Variants in PCDH15 observed in about 807,000 individuals in gnomAD.
The protein encoded by PCDH15 is protocadherin-15.
PCDH15 carries 129 observed loss-of-function variants against 178.5 expected under a neutral mutation model. The observed-to-expected ratio is 0.72, with a 90% CI of 0.63 to 0.84. The LOEUF is 0.84. PCDH15 is among the 40% of genes least tolerant of loss of function. The probability of loss-of-function intolerance (pLI) is 0.00; values close to 1 mark genes in which losing one functional copy is unlikely to be tolerated. For missense variants in PCDH15, 2,230 were observed against 2,099.9 expected (o/e 1.06, Z -1.21); for synonymous variants, 800 against 732.0 (o/e 1.09, Z -1.50).
chr10:55,279,682 A>T (rs1297845142), intron 1 of PCDH15, among the ~76,000 whole-genome samples: 1 of 152,204 alleles, frequency 6.6e-6, no homozygotes, highest in Non-Finnish European at 1.5e-5. Flanking sequence ...ATACAAATTG[A>T]ACTTAAAAAT....
chr10:55,072,309 G>A (rs1267741113), intron 2 of PCDH15, among the ~76,000 whole-genome samples: 1 of 152,118 alleles, frequency 6.6e-6, no homozygotes, highest in African/African-American at 2.4e-5. Flanking sequence ...GGATCCAGGA[G>A]CTGGTTTTGT....
chr10:54,894,468 TA>T (rs905413413), intron 3 of PCDH15, among the ~76,000 whole-genome samples: 1 of 152,058 alleles, frequency 6.6e-6, no homozygotes, highest in African/African-American at 2.4e-5. Flanking sequence ...TAGCCAGACT[TA>T]GAAATAGAGG....
chr10:54,250,845 TCA>T (rs2056415537), intron 8 of PCDH15, among the ~76,000 whole-genome samples: 1 of 152,198 alleles, frequency 6.6e-6, no homozygotes, highest in East Asian at 1.9e-4. Context: ...AATCTCTCTC[TCA>T]CACACACACA....
chr10:54,734,731 C>T (rs116231992), intron 1 of PCDH15, among the ~76,000 whole-genome samples: 2,629 of 151,944 alleles, frequency 0.017, 77 homozygotes, highest in African/African-American at 0.058. Context: ...AAAAAAAGAA[C>T]GAACCAACTA....
At chr10:53,891,241 C>T (rs145182755) in intron 26 of PCDH15, among the ~76,000 whole-genome samples, 8 of 152,252 alleles carry the variant, frequency 5.3e-5, no homozygotes, top group Non-Finnish European at 1.0e-4. Flanking sequence ...TGCAATGCAG[C>T]CTTCACTTTC....
Position 55,032,339 on chromosome 10 carries a change from A to G in PCDH15, c.-80+134237T>C, listed in dbSNP as rs150093609. Among the ~76,000 whole-genome samples the G allele has an allele frequency of 5.3e-5, 8 of 152,338 alleles. No homozygotes were observed. In the East Asian group the frequency reaches 1.5e-3, roughly 29 times the overall value. The stretch of plus-strand genomic sequence containing the variant: ...ACTAATCAGGATATCTGACAAAAAA[A>G]TATCTCTTAGTAGAAAATTGCTGAG... On this transcript the variant is annotated intron_variant, in intron 2 of 5. Transcript: ENST00000458638.
intron 5 of PCDH15, among the ~76,000 whole-genome samples, chr10:54,365,862 TTAA>T (rs1211211934): frequency 1.3e-5 from 2 of 152,022 alleles, no homozygotes; most frequent in African/African-American, 4.8e-5. Flanking sequence ...GATAGAGGAA[TTAA>T]TAATGTTTTG....
intron 21 of PCDH15, among the ~76,000 whole-genome samples, chr10:53,992,354 C>T (rs979831272): frequency 4.6e-5 from 7 of 152,144 alleles, no homozygotes; most frequent in Admixed American, 3.9e-4. Flanking sequence ...TTCTTGAAGT[C>T]GGTGAGACCA....
At chr10:54,418,538 G>A (rs557480802) in intron 3 of PCDH15, among the ~76,000 whole-genome samples, 3 of 151,976 alleles carry the variant, frequency 2.0e-5, no homozygotes, top group African/African-American at 7.2e-5. Flanking sequence ...CATTCGGTAT[G>A]ACAGAAGACA....
At chr10:54,631,619 G>C (rs929793548) in intron 2 of PCDH15, among the ~76,000 whole-genome samples, 1 of 152,058 alleles carries the variant, frequency 6.6e-6, no homozygotes, top group African/African-American at 2.4e-5. Flanking sequence ...TTCCATCATA[G>C]CACTATGCAC....
chr10:54,022,974 T>G lies in PCDH15; in HGVS notation c.2444A>C (p.Asn815Thr). 1 of 1,613,940 alleles carries G rather than the reference T, an allele frequency of 6.2e-7. No homozygotes were observed. ...TGTTGAATTGGTGAACACAGGACTGTTATCATCAATGTCCAAAACCTTGAT... is the reference window on the plus strand; with the variant it reads ...TGTTGAATTGGTGAACACAGGACTGGTATCATCAATGTCCAAAACCTTGAT... ...LAIKVLDIDDNSPVFTNSTYT... is the reference protein window; with the variant it reads ...LAIKVLDIDDTSPVFTNSTYT... The change falls in exon 19 of 38, where the codon AAC becomes ACC. Residue 815 changes from asparagine (N) to threonine (T), a missense_variant. Transcript: ENST00000644397.
At chr10:55,125,531 A>C (rs932913182) in intron 2 of PCDH15, among the ~76,000 whole-genome samples, 1 of 152,010 alleles carries the variant, frequency 6.6e-6, no homozygotes, top group Non-Finnish European at 1.5e-5. Flanking sequence ...CTCCTAAGGG[A>C]GGTGAAGAAG....
At chr10:54,592,894 C>T (rs572699828) in intron 2 of PCDH15, among the ~76,000 whole-genome samples, 6 of 152,048 alleles carry the variant, frequency 3.9e-5, no homozygotes, top group Non-Finnish European at 7.4e-5. Flanking sequence ...TGTGGTGATA[C>T]ATTTTTGTGG....
intron 10 of PCDH15, among the ~76,000 whole-genome samples, chr10:54,203,829 C>A (rs552076313): frequency 7.2e-5 from 11 of 152,022 alleles, no homozygotes; most frequent in Admixed American, 4.6e-4. Flanking sequence ...GCAAATTGAC[C>A]GAACTACCAA....
chr10:55,178,896 A>G (rs1231917577), intron 1 of PCDH15, among the ~76,000 whole-genome samples: 1 of 152,092 alleles, frequency 6.6e-6, no homozygotes, highest in Non-Finnish European at 1.5e-5. Context: ...CTAAAATTTA[A>G]CTGCCCTCCC....
intron 1 of PCDH15, 26 bp downstream of exon 1, chr10:54,800,899 A>C (rs1952602808): frequency 6.6e-6 from 1 of 152,172 alleles, no homozygotes; most frequent in Admixed American, 6.5e-5. Context: ...TGAAAAAAAT[A>C]AGAGAAGGGC....
At position 55,142,261 on chromosome 10, in the gene PCDH15, A is replaced by G. The variant is rs186638414; in HGVS notation, c.-80+24315T>C. On this transcript the variant is annotated intron_variant, in intron 2 of 5. Transcript: ENST00000458638. ...TATTATAGAAAAAAAGAACAAAACTATTGAGTCTGGCAATGACCCAGGACC... is the reference window on the plus strand; with the variant it reads ...TATTATAGAAAAAAAGAACAAAACTGTTGAGTCTGGCAATGACCCAGGACC... Among the ~76,000 whole-genome samples, 311 of 152,238 alleles carry G rather than the reference A, an allele frequency of 2.0e-3. 1 individual carries two copies. Among genetic ancestry groups the G allele is most frequent in the Non-Finnish European group, 3.6e-3 (246 of 68,002 alleles).
chr10:54,478,066 C>A (rs543318931), intron 3 of PCDH15, among the ~76,000 whole-genome samples: 6 of 152,010 alleles, frequency 3.9e-5, no homozygotes, highest in African/African-American at 1.2e-4. Context: ...TCAAAGGGCC[C>A]AAATATCTAG....
chr10:55,604,899 G>T (rs1170358551), intron 2 of PCDH15, among the ~76,000 whole-genome samples: 1 of 148,856 alleles, frequency 6.7e-6, no homozygotes, highest in African/African-American at 2.5e-5. Flanking sequence ...TAAAATCAGA[G>T]CAGAACTGAA....
Sources: allele counts gnomAD v4.1 joint callset (sites outside exome capture counted in the v4.1 genomes callset), GRCh38; gene constraint gnomAD v4.1.1; transcripts MANE v1.5; gene names NCBI Gene and HGNC (gene_info 2026-07-23, HGNC 2026-07-21).